HOMER1: variants seen among roughly 807,000 people sequenced by gnomAD.
HOMER1 encodes homer protein homolog 1.
HOMER1 carries 3 observed loss-of-function variants against 48.9 expected under a neutral mutation model. That is an observed-to-expected ratio of 0.06 (90% CI 0.03 to 0.16). HOMER1 has a LOEUF of 0.16. Ranked by LOEUF, HOMER1 falls within the 10% of genes least tolerant of loss-of-function variation. The probability of loss-of-function intolerance (pLI) is 1.00; values close to 1 mark genes in which losing one functional copy is unlikely to be tolerated. For missense variants in HOMER1, 247 were observed against 411.4 expected (o/e 0.60, Z 3.46); for synonymous variants, 134 against 146.4 (o/e 0.92, Z 0.61).
intron 1 of HOMER1, among the ~76,000 whole-genome samples, chr5:79,471,422 T>C (rs1751615280): frequency 6.6e-6 from 1 of 151,936 alleles, no homozygotes; most frequent in Non-Finnish European, 1.5e-5. Flanking sequence ...GGCATGTACC[T>C]ATAATCCCAG....
intron 1 of HOMER1, among the ~76,000 whole-genome samples, chr5:79,462,282 G>A (rs766930302): frequency 6.6e-6 from 1 of 152,196 alleles, no homozygotes; most frequent in Non-Finnish European, 1.5e-5. Flanking sequence ...CTTCTTACAT[G>A]AATAACCAGA....
chr5:79,435,917 G>A (rs1044150449), intron 5 of HOMER1, among the ~76,000 whole-genome samples: 2 of 149,068 alleles, frequency 1.3e-5, no homozygotes, highest in African/African-American at 4.9e-5. Context: ...ATGAGGTCGG[G>A]AGATCGAGAC....
intron 8 of HOMER1, among the ~76,000 whole-genome samples, chr5:79,381,866 C>T (rs1323687000): frequency 1.4e-5 from 2 of 143,664 alleles, no homozygotes; most frequent in African/African-American, 5.3e-5. Flanking sequence ...GCCTGGGCCA[C>T]AAAGCAAGAC....
chr5:79,471,071 A>C (rs1745427537), intron 1 of HOMER1, among the ~76,000 whole-genome samples: 1 of 152,186 alleles, frequency 6.6e-6, no homozygotes, highest in Admixed American at 6.5e-5. Flanking sequence ...GGCAGGATAA[A>C]GCAAGCACGA....
chr5:79,432,269 C>A (rs1193589684), intron 5 of HOMER1, among the ~76,000 whole-genome samples: 1 of 152,138 alleles, frequency 6.6e-6, no homozygotes, highest in African/African-American at 2.4e-5. Flanking sequence ...ATGTAGCAGG[C>A]TAAGAACAGA....
intron 1 of HOMER1, among the ~76,000 whole-genome samples, chr5:79,466,257 T>C (rs1751460777): frequency 6.6e-6 from 1 of 152,062 alleles, no homozygotes; most frequent in Admixed American, 6.6e-5. Context: ...GGCTCATACC[T>C]GTAATCCCAG....
intron 1 of HOMER1, among the ~76,000 whole-genome samples, chr5:79,489,540 G>A (rs1752211393): frequency 6.6e-6 from 1 of 151,986 alleles, no homozygotes; most frequent in Non-Finnish European, 1.5e-5. Flanking sequence ...CTGGGCGACA[G>A]AGCAAGACTC....
Position 79,374,383 on chromosome 5 carries a change from T to C in HOMER1, c.*1626A>G, listed in dbSNP as rs1215593888. ...AGAAACTAACTTCAGAAACAAACCA[T>C]TTATTTTTCACTCTAATGTAAATTA... On this transcript the variant is annotated 3_prime_UTR_variant, in exon 9 of 9. Transcript: ENST00000334082. 1 of 152,422 alleles carries C rather than the reference T, an allele frequency of 6.6e-6. No homozygotes were observed. Among genetic ancestry groups the C allele is most frequent in the Admixed American group, 6.6e-5 (1 of 15,244 alleles). The allele number at this position is 152,422 out of a possible 1,614,324, so 9.4% of individuals were successfully genotyped here.
chr5:79,468,652 C>A (rs1401256357), intron 1 of HOMER1, among the ~76,000 whole-genome samples: 1 of 152,164 alleles, frequency 6.6e-6, no homozygotes, highest in Non-Finnish European at 1.5e-5. Context: ...CATTTTTGCA[C>A]TGTTACAAAA....
chr5:79,462,474 G>A (rs1751342030), intron 1 of HOMER1, among the ~76,000 whole-genome samples: 1 of 151,990 alleles, frequency 6.6e-6, no homozygotes, highest in Non-Finnish European at 1.5e-5. Flanking sequence ...CTATGGATGT[G>A]GAAAACTGGA....
chr5:79,424,154 C>G (rs1180481112), intron 5 of HOMER1, among the ~76,000 whole-genome samples: 1 of 151,928 alleles, frequency 6.6e-6, no homozygotes, highest in African/African-American at 2.4e-5. Flanking sequence ...TTCTAAAGTA[C>G]GTTTTCACCA....
At chr5:79,496,947 T>C (rs1752437693) in intron 1 of HOMER1, among the ~76,000 whole-genome samples, 1 of 149,662 alleles carries the variant, frequency 6.7e-6, no homozygotes, top group East Asian at 2.0e-4. Flanking sequence ...GCACCTGTAG[T>C]CCCAGCTACT....
chr5:79,496,134 G>A (rs983525185), intron 1 of HOMER1, among the ~76,000 whole-genome samples: 2 of 152,194 alleles, frequency 1.3e-5, no homozygotes, highest in African/African-American at 4.8e-5. Flanking sequence ...CCTGCAAAGA[G>A]GGAACTAAGT....
At chr5:79,469,617 C>G (rs1198893436) in intron 1 of HOMER1, among the ~76,000 whole-genome samples, 1 of 151,876 alleles carries the variant, frequency 6.6e-6, no homozygotes, top group East Asian at 1.9e-4. Flanking sequence ...TTATTTTTAT[C>G]TGTTGAAAAG....
chr5:79,394,184 T>C (rs534844747), intron 8 of HOMER1, among the ~76,000 whole-genome samples: 1 of 152,302 alleles, frequency 6.6e-6, no homozygotes, highest in African/African-American at 2.4e-5. Context: ...ACTATACATT[T>C]TCTATCCACA....
intron 1 of HOMER1, among the ~76,000 whole-genome samples, chr5:79,467,830 G>A (rs1021596280): frequency 6.6e-6 from 1 of 152,128 alleles, no homozygotes; most frequent in East Asian, 1.9e-4. Context: ...AGGCTGGAGT[G>A]CAGTGGTGCG....
intron 8 of HOMER1, among the ~76,000 whole-genome samples, chr5:79,387,482 G>C (rs969528526): frequency 6.6e-6 from 1 of 152,008 alleles, no homozygotes; most frequent in Non-Finnish European, 1.5e-5. Context: ...TAGAAAAATT[G>C]ACATCTGATA....
intron 5 of HOMER1, among the ~76,000 whole-genome samples, chr5:79,411,629 T>C (rs1360995101): frequency 2.0e-5 from 3 of 152,216 alleles, no homozygotes; most frequent in African/African-American, 4.8e-5. Context: ...AATATACTTA[T>C]CTAACCTGCA....
chr5:79,429,495 G>A (rs1750361534), intron 5 of HOMER1, among the ~76,000 whole-genome samples: 1 of 152,162 alleles, frequency 6.6e-6, no homozygotes, highest in African/African-American at 2.4e-5. Context: ...AAGGTTCAGT[G>A]TATAAAAAGC....
Sources: allele counts gnomAD v4.1 joint callset (sites outside exome capture counted in the v4.1 genomes callset), GRCh38; gene constraint gnomAD v4.1.1; transcripts MANE v1.5; gene names NCBI Gene and HGNC (gene_info 2026-07-23, HGNC 2026-07-21).